USP45: variants seen among roughly 807,000 people sequenced by gnomAD.
USP45 encodes ubiquitin specific peptidase 45.
Under a neutral mutation model 95.8 loss-of-function variants are expected in USP45, and 89 were observed. That is an observed-to-expected ratio of 0.93 (90% CI 0.78 to 1.11). The LOEUF is 1.11. Ranked by LOEUF, USP45 falls within the 50% of genes least tolerant of loss-of-function variation. USP45 has a pLI of 0.00. For synonymous variants in USP45, 281 were observed against 316.2 expected (o/e 0.89, Z 1.18); for missense variants, 898 against 942.5 (o/e 0.95, Z 0.62).
intron 5 of USP45, among the ~76,000 whole-genome samples, chr6:99,498,251 T>C (rs1238373328): frequency 2.0e-5 from 3 of 152,210 alleles, no homozygotes; most frequent in African/African-American, 7.2e-5. Context: ...TTGATATTAA[T>C]ATTTAGGATT....
At position 99,445,865 on chromosome 6, in the gene USP45, T is replaced by C. The variant is rs879583388; in HGVS notation, c.1907A>G (p.Asn636Ser). ...QFTSMELLMGNNKLLCENCTK... is the reference protein window; with the variant it reads ...QFTSMELLMGSNKLLCENCTK... ...ACAATTCTCACATAGAAGCTTATTA[T>C]TCCCCATTAGTAATTCCATAGATGT... The change falls in exon 14 of 18, where the codon AAT becomes AGT. Residue 636 changes from asparagine (N) to serine (S), a missense_variant. Physicochemically the swap from Asn to Ser is conservative, Grantham distance 46. Transcript: ENST00000500704. 6.2e-7 allele frequency: 1 copy of C among 1,610,110 alleles called. No individual in the cohort carries two copies. Among genetic ancestry groups the C allele is most frequent in the Non-Finnish European group, 8.5e-7 (1 of 1,179,062 alleles).
chr6:99,504,905 T>C (rs1251346224), intron 4 of USP45, among the ~76,000 whole-genome samples: 2 of 152,140 alleles, frequency 1.3e-5, no homozygotes, highest in Admixed American at 6.5e-5. Flanking sequence ...CCAATAGTAT[T>C]GAGATTGAGA....
intron 13 of USP45, chr6:99,461,589 A>C: frequency 1.0e-6 from 1 of 985,402 alleles, no homozygotes; most frequent in Non-Finnish European, 1.2e-6. Context: ...TTCCAACTTG[A>C]GGGCAAGATT....
chr6:99,432,508 G>A lies in USP45; in HGVS notation c.*3208C>T, dbSNP rs1429395092. 1 of 151,872 alleles carries A rather than the reference G, an allele frequency of 6.6e-6. No homozygotes were observed. The highest frequency in any genetic ancestry group is 2.4e-5 in the African/African-American group (1 of 41,336). 9.4% of individuals were successfully genotyped at this position (151,872 alleles called of 1,614,324 possible). On this transcript the variant is annotated 3_prime_UTR_variant, in exon 18 of 18. Transcript: ENST00000500704. ...GTAACACCAAAATAACGCTCAATAA[G>A]TTACACAGCTGTTTTCTAGAAACAT...
At chr6:99,495,876 C>T (rs890057772) in intron 5 of USP45, among the ~76,000 whole-genome samples, 2 of 152,066 alleles carry the variant, frequency 1.3e-5, no homozygotes, top group Non-Finnish European at 2.9e-5. Flanking sequence ...TTAACATCTC[C>T]CTATGTATCT....
In USP45 at chr6:99,482,775, G is replaced by C; in HGVS notation, c.823C>G (p.Leu275Val). 6.2e-7 allele frequency: 1 copy of C among 1,603,316 alleles called. No individual in the cohort carries two copies. The change falls in exon 8 of 18, where the codon CTT becomes GTT. Residue 275 changes from leucine (L) to valine (V), a missense_variant. Transcript: ENST00000500704. ...CACTTCTGACAAAGCTGATTAAAAA[G>C]AACTTTAGGAGAAAGTGGTCCTTTT... Reference protein sequence around the residue: ...TEKGPLSPKVLFNQLCQKAPR... With the variant: ...TEKGPLSPKVVFNQLCQKAPR...
chr6:99,480,368 T>A (rs907319249), intron 8 of USP45, among the ~76,000 whole-genome samples: 6 of 152,140 alleles, frequency 3.9e-5, no homozygotes, highest in Admixed American at 1.3e-4. Context: ...TCTGATTCTA[T>A]AATTTACATA....
At chr6:99,444,094 C>G (rs1278183942) in intron 14 of USP45, among the ~76,000 whole-genome samples, 1 of 152,042 alleles carries the variant, frequency 6.6e-6, no homozygotes, top group Non-Finnish European at 1.5e-5. Flanking sequence ...TCACTGTAGC[C>G]TTGACCTCCC....
chr6:99,460,157 T>C (rs1786065908), intron 13 of USP45, among the ~76,000 whole-genome samples: 1 of 152,188 alleles, frequency 6.6e-6, no homozygotes, highest in Non-Finnish European at 1.5e-5. Flanking sequence ...TCATCCTTCA[T>C]ATTAAACTTT....
At chr6:99,479,913 T>C (rs1791938442) in intron 8 of USP45, among the ~76,000 whole-genome samples, 1 of 152,196 alleles carries the variant, frequency 6.6e-6, no homozygotes, top group South Asian at 2.1e-4. Context: ...CTGACAGTGA[T>C]ATAAAATGAG....
At chr6:99,512,249 T>C (rs1800045421) in intron 1 of USP45, among the ~76,000 whole-genome samples, 1 of 152,196 alleles carries the variant, frequency 6.6e-6, no homozygotes. Flanking sequence ...CTTGAGGGTC[T>C]TGTTAAAATG....
Position 99,503,844 on chromosome 6 carries a change from T to A in USP45, c.399A>T (p.Lys133Asn). 6.3e-7 allele frequency: 1 copy of A among 1,592,234 alleles called. No individual in the cohort carries two copies. The change falls in exon 5 of 18, where the codon AAA becomes AAT. Residue 133 changes from lysine (K) to asparagine (N), a missense_variant. Coordinates refer to ENST00000500704, the MANE Select transcript of USP45 (RefSeq NM_001346022.3). ...CCTTCTTATTACAATGCGTTGATAA[T>A]TTTTCATCACATTCATAACACCTGA... is the stretch of plus-strand genomic sequence containing the variant. ...WIIWCYECDE[K>N]LSTHCNKKVL... is the part of the protein sequence containing the mutation.
intron 5 of USP45, among the ~76,000 whole-genome samples, chr6:99,492,264 T>C (rs575364392): frequency 5.1e-4 from 77 of 152,306 alleles, no homozygotes; most frequent in African/African-American, 1.8e-3. Context: ...CTTCACTGTG[T>C]GATGCTTTTC....
At chr6:99,495,258 C>A (rs1420288736) in intron 5 of USP45, among the ~76,000 whole-genome samples, 2 of 152,252 alleles carry the variant, frequency 1.3e-5, no homozygotes, top group East Asian at 3.9e-4. Context: ...TACAAAGATA[C>A]AGCTTTGTTT....
At chr6:99,474,966 C>A (rs926374614) in intron 9 of USP45, among the ~76,000 whole-genome samples, 1 of 152,152 alleles carries the variant, frequency 6.6e-6, no homozygotes, top group Non-Finnish European at 1.5e-5. Flanking sequence ...CTATCCAGTC[C>A]ACAGGCTATT....
At chr6:99,444,382 C>CCTTCT in intron 14 of USP45, among the ~76,000 whole-genome samples, 1 of 152,216 alleles carries the variant, frequency 6.6e-6, no homozygotes, top group South Asian at 2.1e-4. Flanking sequence ...GGTATTTCTT[C>CCTTCT]CTTCTCCCAT....
intron 13 of USP45, among the ~76,000 whole-genome samples, chr6:99,459,492 T>A (rs1006578236): frequency 6.6e-6 from 1 of 152,184 alleles, no homozygotes; most frequent in Non-Finnish European, 1.5e-5. Context: ...TTCCTTCAGG[T>A]ATATACCCAG....
intron 16 of USP45, among the ~76,000 whole-genome samples, chr6:99,438,473 CT>C (rs574557539): frequency 9.9e-5 from 15 of 152,100 alleles, no homozygotes; most frequent in Admixed American, 7.2e-4. Context: ...GTACATTTGA[CT>C]TTGGACCTAT....
At chr6:99,485,875 G>GAA (rs1184434745) in intron 7 of USP45, among the ~76,000 whole-genome samples, 6 of 152,034 alleles carry the variant, frequency 3.9e-5, no homozygotes, top group African/African-American at 1.4e-4. Flanking sequence ...GAATAAAGAA[G>GAA]AAAAACCATA....
Sources: allele counts gnomAD v4.1 joint callset (sites outside exome capture counted in the v4.1 genomes callset), GRCh38; gene constraint gnomAD v4.1.1; transcripts MANE v1.5; gene names NCBI Gene and HGNC (gene_info 2026-07-23, HGNC 2026-07-21).